CCDC192: variants seen among roughly 807,000 people sequenced by gnomAD.
CCDC192 encodes the protein coiled-coil domain-containing protein 192.
At chr5:127,756,793 C>T (rs1265741366) in intron 3 of CCDC192, among the ~76,000 whole-genome samples, 2 of 152,202 alleles carry the variant, frequency 1.3e-5, no homozygotes, top group African/African-American at 4.8e-5. Context: ...TGAATTCCTT[C>T]CCAAAGTTAG....
At chr5:127,756,541 G>A (rs1390712745) in intron 3 of CCDC192, among the ~76,000 whole-genome samples, 1 of 152,212 alleles carries the variant, frequency 6.6e-6, no homozygotes, top group Non-Finnish European at 1.5e-5. Flanking sequence ...GGTGTCAGCT[G>A]ATCCATCGAG....
intron 6 of CCDC192, among the ~76,000 whole-genome samples, chr5:127,931,238 A>T (rs1476646797): frequency 6.6e-6 from 1 of 152,120 alleles, no homozygotes; most frequent in Non-Finnish European, 1.5e-5. Context: ...AGGAAAAGAG[A>T]GTCTAAGGAA....
intron 5 of CCDC192, chr5:127,857,542 T>C (rs939214335): frequency 3.9e-5 from 6 of 152,070 alleles, no homozygotes; most frequent in Non-Finnish European, 7.4e-5. Flanking sequence ...ACACAACCAA[T>C]AGGATATACA....
chr5:127,941,018 C>G (rs1754386020), intron 6 of CCDC192, 164 bp from the exon 7 acceptor site: 2 of 394,992 alleles, frequency 5.1e-6, no homozygotes, highest in Non-Finnish European at 8.9e-6. Context: ...AATCTTTCCT[C>G]TCACTGGATC....
intron 6 of CCDC192, among the ~76,000 whole-genome samples, chr5:127,893,927 A>G (rs375547514): frequency 6.6e-6 from 1 of 152,194 alleles, no homozygotes; most frequent in East Asian, 1.9e-4. Flanking sequence ...AAAAAATTTC[A>G]TTCCAAATTA....
intron 5 of CCDC192, among the ~76,000 whole-genome samples, chr5:127,870,344 A>C (rs1580776527): frequency 6.6e-6 from 1 of 152,230 alleles, no homozygotes; most frequent in Non-Finnish European, 1.5e-5. Flanking sequence ...TTCAATGCTA[A>C]ATTTTTGTAA....
chr5:127,812,575 G>T (rs1743550459), intron 5 of CCDC192, among the ~76,000 whole-genome samples: 1 of 152,094 alleles, frequency 6.6e-6, no homozygotes, highest in Non-Finnish European at 1.5e-5. Flanking sequence ...CCATTTTATT[G>T]ATTTTAACTC....
chr5:127,874,905 T>C (rs935790520), intron 5 of CCDC192, among the ~76,000 whole-genome samples: 3 of 152,212 alleles, frequency 2.0e-5, no homozygotes, highest in Non-Finnish European at 4.4e-5. Context: ...AAGTTCCTAA[T>C]GCAGTTCTCC....
chr5:127,779,559 T>C (rs1355928137), intron 3 of CCDC192, among the ~76,000 whole-genome samples: 15 of 152,254 alleles, frequency 9.9e-5, no homozygotes, highest in Admixed American at 9.2e-4. Flanking sequence ...CCTCCCAAAG[T>C]GCTGGGATTA....
intron 3 of CCDC192, among the ~76,000 whole-genome samples, chr5:127,772,124 A>G (rs1464363635): frequency 6.6e-6 from 1 of 152,092 alleles, no homozygotes. Flanking sequence ...CAATATGTCT[A>G]TAGGTGGGCC....
rs200601225 is a variant in CCDC192 at position 127,734,187 on chromosome 5, T to C, written c.115-20081T>C. ...TGAGAATATGCAGTGTTTGGTTTTT[T>C]GTTCTTGCGATAGTTTACTGAGAAT... On this transcript the variant is annotated intron_variant, in intron 2 of 6. Transcript: ENST00000514853. Among the ~76,000 whole-genome samples, 383 of 150,956 alleles carry C rather than the reference T, an allele frequency of 2.5e-3. 8 individuals carry two copies. The East Asian group carries it at 0.05, about 20-fold the overall frequency.
At chr5:127,836,640 A>ACTTTGT (rs1561515436) in intron 5 of CCDC192, among the ~76,000 whole-genome samples, 1 of 84,970 alleles carries the variant, frequency 1.2e-5, no homozygotes. Context: ...GTGCACCTGC[A>ACTTTGT]GGCTCAACAC....
intron 6 of CCDC192, among the ~76,000 whole-genome samples, chr5:127,936,592 GA>G (rs5871282): frequency 0.72 from 110,143 of 152,110 alleles, 41,951 homozygotes; most frequent in East Asian, 0.96. Flanking sequence ...AAGAAAGAGG[GA>G]AAATGATGAA....
chr5:127,843,271 C>A (rs1250082670), intron 5 of CCDC192, among the ~76,000 whole-genome samples: 1 of 151,798 alleles, frequency 6.6e-6, no homozygotes, highest in Non-Finnish European at 1.5e-5. Context: ...ATCTCCTGAC[C>A]TCGTAATCCA....
intron 6 of CCDC192, among the ~76,000 whole-genome samples, chr5:127,909,257 AG>A (rs1753280319): frequency 6.6e-6 from 1 of 152,090 alleles, no homozygotes; most frequent in South Asian, 2.1e-4. Context: ...GGACTTTTCA[AG>A]GCCCTTCACA....
intron 6 of CCDC192, among the ~76,000 whole-genome samples, chr5:127,923,320 C>A (rs1445996953): frequency 6.6e-6 from 1 of 152,020 alleles, no homozygotes; most frequent in Non-Finnish European, 1.5e-5. Flanking sequence ...ATAGTTCATT[C>A]ATACAGTATT....
At chr5:127,923,931 C>A (rs919980116) in intron 6 of CCDC192, among the ~76,000 whole-genome samples, 2 of 152,222 alleles carry the variant, frequency 1.3e-5, no homozygotes, top group Admixed American at 6.5e-5. Context: ...AGAAGCCAAC[C>A]TGGCTCCCCA....
intron 5 of CCDC192, among the ~76,000 whole-genome samples, chr5:127,839,761 A>G (rs1750202260): frequency 6.6e-6 from 1 of 151,970 alleles, no homozygotes; most frequent in Non-Finnish European, 1.5e-5. Flanking sequence ...GGGATACTGT[A>G]TTTCATCACA....
At chr5:127,865,832 G>A (rs542932138) in intron 5 of CCDC192, among the ~76,000 whole-genome samples, 2 of 152,068 alleles carry the variant, frequency 1.3e-5, no homozygotes, top group South Asian at 4.2e-4. Context: ...TCGTTGTCAA[G>A]ATCACATTTG....
Sources: allele counts gnomAD v4.1 joint callset (sites outside exome capture counted in the v4.1 genomes callset), GRCh38; gene constraint gnomAD v4.1.1; transcripts MANE v1.5; gene names NCBI Gene and HGNC (gene_info 2026-07-23, HGNC 2026-07-21).